RAD54B: variants seen among roughly 807,000 people sequenced by gnomAD.
The protein encoded by RAD54B is RAD54 homolog B, also known as DNA repair and recombination protein RAD54B.
A neutral mutation model predicts 95.8 loss-of-function variants in RAD54B; 78 were observed. The ratio of observed to expected loss-of-function variants is 0.81; its 90% CI spans 0.68 to 0.98. The LOEUF (loss-of-function observed/expected upper bound fraction) is 0.98. Ranked by LOEUF, RAD54B falls within the 50% of genes least tolerant of loss-of-function variation. The pLI, the probability that RAD54B is intolerant of heterozygous loss-of-function variation, is 0.00. For synonymous variants in RAD54B, 328 were observed against 354.9 expected (o/e 0.92, Z 0.85); for missense variants, 957 against 1,056.6 (o/e 0.91, Z 1.31).
chr8:94,464,456 T>C (rs59233901), intron 2 of RAD54B, among the ~76,000 whole-genome samples: 15,574 of 152,030 alleles, frequency 0.1, 1,545 homozygotes, highest in African/African-American at 0.25. Flanking sequence ...TGTTGAACTT[T>C]TGACCTACAG....
intron 1 of RAD54B, among the ~76,000 whole-genome samples, chr8:94,470,251 G>A (rs954646562): frequency 3.3e-5 from 5 of 151,560 alleles, no homozygotes; most frequent in African/African-American, 7.3e-5. Context: ...ACCTGAGGTC[G>A]GGAGTTTGAG....
At chr8:94,403,165 G>A (rs74506802) in intron 6 of RAD54B, among the ~76,000 whole-genome samples, 1 of 152,022 alleles carries the variant, frequency 6.6e-6, no homozygotes, top group Non-Finnish European at 1.5e-5. Flanking sequence ...AAAATCAAGG[G>A]TCTTGGCATT....
intron 1 of RAD54B, among the ~76,000 whole-genome samples, chr8:94,472,930 A>C (rs781476884): frequency 5.9e-5 from 9 of 151,498 alleles, no homozygotes; most frequent in Non-Finnish European, 8.8e-5. Flanking sequence ...AACCATCAGC[A>C]CAGAGCAGTG....
chr8:94,466,587 T>C (rs1249494811), intron 2 of RAD54B, among the ~76,000 whole-genome samples: 1 of 152,036 alleles, frequency 6.6e-6, no homozygotes, highest in Non-Finnish European at 1.5e-5. Context: ...TTTGTATTTT[T>C]AGTAGAGACG....
intron 3 of RAD54B, among the ~76,000 whole-genome samples, chr8:94,424,584 G>A (rs534175794): frequency 6.6e-6 from 1 of 152,226 alleles, no homozygotes; most frequent in Non-Finnish European, 1.5e-5. Context: ...TAGACTACTT[G>A]TATTACAGAA....
chr8:94,454,142 A>G (rs1812728664), intron 3 of RAD54B, among the ~76,000 whole-genome samples: 1 of 147,538 alleles, frequency 6.8e-6, no homozygotes, highest in African/African-American at 2.6e-5. Context: ...ATGTGCGTGC[A>G]TTACCTTTTA....
intron 3 of RAD54B, among the ~76,000 whole-genome samples, chr8:94,425,964 C>T (rs1034298618): frequency 6.6e-6 from 1 of 152,050 alleles, no homozygotes; most frequent in African/African-American, 2.4e-5. Flanking sequence ...CGTTTTGTTT[C>T]GTTTTTGGGA....
intron 11 of RAD54B, among the ~76,000 whole-genome samples, chr8:94,386,078 G>A (rs991147833): frequency 6.6e-6 from 1 of 152,300 alleles, no homozygotes; most frequent in South Asian, 2.1e-4. Flanking sequence ...TCAGGGCAAT[G>A]TTGAGTATGT....
rs374011679 is a variant in RAD54B, at chr8:94,393,836, A to G, written c.1425T>C (p.Asp475=). ...AGCCTAATATTCCTGGATTTACAAA[A>G]TCAATTAATGCAAAAAATTCTTGCA... The part of the protein sequence containing the change: ...NDLQEFFALI[D]FVNPGILGSL... The change falls in exon 9 of 15, where the codon GAT becomes GAC. Residue 475 remains aspartate (D), a synonymous_variant. Coordinates refer to ENST00000336148, the MANE Select transcript of RAD54B (RefSeq NM_012415.3). 6 of 1,601,466 alleles carry G rather than the reference A, an allele frequency of 3.7e-6. No homozygotes were observed. In the African/African-American group the frequency reaches 8.1e-5, roughly 22 times the overall value.
intron 3 of RAD54B, among the ~76,000 whole-genome samples, chr8:94,439,099 G>T (rs1242935538): frequency 6.6e-6 from 1 of 150,940 alleles, no homozygotes; most frequent in Non-Finnish European, 1.5e-5. Context: ...CTCAAAAAAA[G>T]AAAAAAAAGA....
intron 14 of RAD54B, among the ~76,000 whole-genome samples, chr8:94,376,309 A>G (rs1329550373): frequency 6.6e-6 from 1 of 152,122 alleles, no homozygotes; most frequent in Non-Finnish European, 1.5e-5. Context: ...TCATGAGACA[A>G]AGAAGAAATC....
At chr8:94,411,667 A>C (rs1811532486) in intron 3 of RAD54B, among the ~76,000 whole-genome samples, 1 of 152,034 alleles carries the variant, frequency 6.6e-6, no homozygotes, top group South Asian at 2.1e-4. Flanking sequence ...ACATTTTGAC[A>C]AAACTGATTT....
At chr8:94,380,048 C>G in intron 12 of RAD54B, 97 bp downstream of exon 12, 1 of 1,335,240 alleles carries the variant, frequency 7.5e-7, no homozygotes, top group Non-Finnish European at 1.0e-6. Flanking sequence ...GCTCTTTATG[C>G]AGTGGATATT....
chr8:94,386,409 A>G (rs1317753572), intron 11 of RAD54B, among the ~76,000 whole-genome samples: 1 of 152,220 alleles, frequency 6.6e-6, no homozygotes, highest in African/African-American at 2.4e-5. Context: ...TAGGACATCA[A>G]GATAGATTTA....
At chr8:94,465,585 T>A (rs1278079537) in intron 2 of RAD54B, among the ~76,000 whole-genome samples, 3 of 152,230 alleles carry the variant, frequency 2.0e-5, no homozygotes, top group Non-Finnish European at 4.4e-5. Flanking sequence ...GGTACAGCTA[T>A]GAAAAACAGT....
chr8:94,444,580 C>T (rs1812477214), intron 3 of RAD54B, among the ~76,000 whole-genome samples: 1 of 152,190 alleles, frequency 6.6e-6, no homozygotes, highest in Non-Finnish European at 1.5e-5. Flanking sequence ...ACAACTCCAT[C>T]CAAATTCTTG....
Position 94,400,406 on chromosome 8 carries a change from C to T in RAD54B, c.1002G>A (p.Leu334=). The T allele has an allele frequency of 6.2e-7, 1 of 1,613,688 alleles. No homozygotes were observed. The highest frequency in any genetic ancestry group is 1.3e-5 in the African/African-American group (1 of 75,028). ...LADEMGLGKT[L]QCISLIWTLQ... is the part of the protein sequence containing the mutation. The stretch of plus-strand genomic sequence containing the variant: ...GGGTCCAGATGAGCGAAATACATTG[C>T]AATGTCTTCCCTAAACCCATTTCAT... Residue 334 remains leucine, a synonymous_variant, in exon 7 of 15, where the codon TTG becomes TTA. Transcript: ENST00000336148.
At chr8:94,407,853 T>C (rs1312903045) in intron 4 of RAD54B, 133 bp from the exon 5 acceptor site, 2 of 607,042 alleles carry the variant, frequency 3.3e-6, no homozygotes, top group Non-Finnish European at 5.2e-6. Context: ...GGAAGCATAA[T>C]TTAACATTTT....
At chr8:94,388,530 G>A (rs1810945168) in intron 10 of RAD54B, among the ~76,000 whole-genome samples, 1 of 152,112 alleles carries the variant, frequency 6.6e-6, no homozygotes, top group Non-Finnish European at 1.5e-5. Context: ...ACAGGGGTCA[G>A]CCCCCCTAAC....
Sources: gnomAD v4.1 joint callset for allele counts (sites outside exome capture counted in the v4.1 genomes callset) on GRCh38, gnomAD v4.1.1 for gene constraint, MANE v1.5 for transcripts, NCBI Gene and HGNC (gene_info 2026-07-23, HGNC 2026-07-21) for gene names.